PDE1C: variants seen among roughly 807,000 people sequenced by gnomAD.
PDE1C encodes phosphodiesterase 1C.
A neutral mutation model predicts 93.1 loss-of-function variants in PDE1C; 62 were observed. That is an observed-to-expected ratio of 0.67 (90% CI 0.54 to 0.82). The LOEUF (loss-of-function observed/expected upper bound fraction) is 0.82. PDE1C is among the 40% of genes least tolerant of loss of function. The pLI is 0.00. For synonymous variants in PDE1C, 325 were observed against 310.1 expected (o/e 1.05, Z -0.50); for missense variants, 742 against 884.6 (o/e 0.84, Z 2.04).
the PDE1C span, among the ~76,000 whole-genome samples, chr7:31,697,720 A>C: frequency 1.3e-5 from 2 of 152,200 alleles, no homozygotes; most frequent in Non-Finnish European, 2.9e-5. Flanking sequence ...TATTTTATAC[A>C]GATTGTTGTG....
intron 1 of PDE1C, among the ~76,000 whole-genome samples, chr7:32,374,461 G>A (rs1784401792): frequency 6.6e-6 from 1 of 152,202 alleles, no homozygotes; most frequent in African/African-American, 2.4e-5. Context: ...TTGGTGGCAT[G>A]AGCCACCATG....
At chr7:32,419,669 A>T (rs983281147) in intron 1 of PDE1C, among the ~76,000 whole-genome samples, 1 of 152,068 alleles carries the variant, frequency 6.6e-6, no homozygotes, top group African/African-American at 2.4e-5. Context: ...GGAAATGACA[A>T]TATTTTGCAA....
At chr7:32,177,616 A>T (rs1051664264) in intron 2 of PDE1C, among the ~76,000 whole-genome samples, 2 of 151,912 alleles carry the variant, frequency 1.3e-5, no homozygotes, top group African/African-American at 4.8e-5. Flanking sequence ...TTACCCCAAG[A>T]CCACTGACAT....
chr7:32,009,463 C>T (rs1563187147), intron 2 of PDE1C, among the ~76,000 whole-genome samples: 1 of 152,212 alleles, frequency 6.6e-6, no homozygotes, highest in Non-Finnish European at 1.5e-5. Flanking sequence ...AAAGACATGG[C>T]TGCTTTTGTA....
At chr7:31,880,244 G>A (rs1227534467) in intron 3 of PDE1C, among the ~76,000 whole-genome samples, 1 of 152,084 alleles carries the variant, frequency 6.6e-6, no homozygotes, top group Non-Finnish European at 1.5e-5. Flanking sequence ...GCTTTAATAC[G>A]TTTAGATAAT....
chr7:32,172,902 G>A (rs1349333605), intron 2 of PDE1C, among the ~76,000 whole-genome samples: 1 of 150,384 alleles, frequency 6.6e-6, no homozygotes, highest in Non-Finnish European at 1.5e-5. Context: ...CTTTTACACT[G>A]TTGGTTGGAG....
intron 17 of PDE1C, among the ~76,000 whole-genome samples, chr7:31,762,754 G>A (rs2128610577): frequency 6.6e-6 from 1 of 152,272 alleles, no homozygotes; most frequent in Non-Finnish European, 1.5e-5. Flanking sequence ...AAGAATGCAG[G>A]GGACAGGAAG....
In PDE1C at chr7:32,095,175, C is replaced by CA. The variant is rs199588747; in HGVS notation, c.308+74609dup. ...CTTGCTGAATCATTCTATTTCATTA[C>CA]AAAAAAAACAGCCTTGCTTCTCAAA... On this transcript the variant is annotated intron_variant, in intron 3 of 18. Coordinates refer to the PDE1C transcript ENST00000396193. Among the ~76,000 whole-genome samples the CA allele has an allele frequency of 4.6e-4, 70 of 151,936 alleles. No individual in the cohort carries two copies. In the East Asian group the frequency reaches 8.3e-3, roughly 18 times the overall value.
chr7:32,149,103 G>T (rs532644708), intron 3 of PDE1C, among the ~76,000 whole-genome samples: 86 of 152,224 alleles, frequency 5.6e-4, no homozygotes, highest in African/African-American at 1.8e-3. Context: ...ATCAACAAAT[G>T]TATGGAGATT....
the PDE1C span, among the ~76,000 whole-genome samples, chr7:31,737,498 G>A: frequency 5.9e-5 from 9 of 152,066 alleles, no homozygotes. Context: ...CCAAGATATT[G>A]TAGTGTAGAA....
chr7:31,620,938 G>A, the PDE1C span, among the ~76,000 whole-genome samples: 1 of 151,998 alleles, frequency 6.6e-6, no homozygotes, highest in South Asian at 2.1e-4. Flanking sequence ...GAAAGCCAAG[G>A]CTCAAGAACT....
At chr7:31,796,362 T>C (rs1041066643) in intron 16 of PDE1C, among the ~76,000 whole-genome samples, 7 of 151,648 alleles carry the variant, frequency 4.6e-5, no homozygotes, top group Non-Finnish European at 1.0e-4. Context: ...ACTACAAACA[T>C]GAATTTCCAG....
At chr7:31,850,512 G>C (rs1793201120) in intron 8 of PDE1C, 129 bp downstream of exon 8, 1 of 672,426 alleles carries the variant, frequency 1.5e-6, no homozygotes, top group African/African-American at 1.8e-5. Context: ...CTCTCATTTA[G>C]AGGTTCATTG....
At chr7:31,921,711 T>C (rs769909552) in intron 2 of PDE1C, among the ~76,000 whole-genome samples, 12 of 152,204 alleles carry the variant, frequency 7.9e-5, no homozygotes, top group Non-Finnish European at 1.8e-4. Flanking sequence ...CACCAGCTCA[T>C]GCTTTTATCA....
chr7:32,173,201 G>A (rs1802766642), intron 2 of PDE1C, among the ~76,000 whole-genome samples: 1 of 152,198 alleles, frequency 6.6e-6, no homozygotes, highest in Admixed American at 6.5e-5. Context: ...ATGAGGTCAT[G>A]TCCTTTGCAG....
intron 5 of PDE1C, among the ~76,000 whole-genome samples, chr7:31,875,359 G>A (rs1447404584): frequency 2.0e-5 from 3 of 152,076 alleles, no homozygotes; most frequent in Admixed American, 1.3e-4. Flanking sequence ...ACAGTGAGAC[G>A]GATGTCCTCT....
chr7:31,760,690 A>G (rs1406765350), intron 17 of PDE1C, among the ~76,000 whole-genome samples: 1 of 151,082 alleles, frequency 6.6e-6, no homozygotes, highest in African/African-American at 2.4e-5. Flanking sequence ...TTCTCTTTCA[A>G]ACATAATGCT....
In PDE1C at chr7:31,957,691, G is replaced by A. The variant is rs541126896; in HGVS notation, c.129-76831C>T. Among the ~76,000 whole-genome samples the A allele has an allele frequency of 2.0e-5, 3 of 152,236 alleles. No individual in the cohort carries two copies. In the East Asian group the frequency reaches 5.8e-4, roughly 29 times the overall value. On this transcript the variant is annotated intron_variant, in intron 2 of 17. Coordinates refer to ENST00000396191, the MANE Select transcript of PDE1C (RefSeq NM_001191057.4). ...TTTTTGTGCAGCATTGCATACACTG[G>A]TGTTCTCTTCCTGAGTAGCTTAGCA...
At chr7:31,739,957 T>C in the PDE1C span, among the ~76,000 whole-genome samples, 2 of 152,238 alleles carry the variant, frequency 1.3e-5, no homozygotes, top group Non-Finnish European at 2.9e-5. Flanking sequence ...TTGACTTTAC[T>C]TTCTCTCTCT....
Sources: gnomAD v4.1 joint callset for allele counts (sites outside exome capture counted in the v4.1 genomes callset) on GRCh38, gnomAD v4.1.1 for gene constraint, MANE v1.5 for transcripts, NCBI Gene and HGNC (gene_info 2026-07-23, HGNC 2026-07-21) for gene names.